INCENP: variants seen among roughly 807,000 people sequenced by gnomAD.
The protein encoded by INCENP is inner centromere protein.
A neutral mutation model predicts 107.3 loss-of-function variants in INCENP; 43 were observed. The observed-to-expected ratio is 0.40, with a 90% CI of 0.31 to 0.52. INCENP has a LOEUF of 0.52. Among genes scored for constraint, INCENP ranks in the 20% least tolerant of loss-of-function variants. The probability of loss-of-function intolerance (pLI) is 0.53; values close to 1 mark genes in which losing one functional copy is unlikely to be tolerated. For synonymous variants in INCENP, 488 were observed against 494.4 expected (o/e 0.99, Z 0.17); for missense variants, 1,089 against 1,250.9 (o/e 0.87, Z 1.95).
At chr11:62,134,282 A>G (rs1943946402) in intron 4 of INCENP, among the ~76,000 whole-genome samples, 1 of 152,024 alleles carries the variant, frequency 6.6e-6, no homozygotes. Flanking sequence ...GTATGGTGGC[A>G]TGTGCCTGTA....
chr11:62,138,796 G>C (rs1224668101), intron 6 of INCENP, 26 bp downstream of exon 6: 2 of 1,613,140 alleles, frequency 1.2e-6, no homozygotes, highest in East Asian at 2.2e-5. Context: ...GGGGAAGGGA[G>C]GACTCACCTC....
chr11:62,130,755 C>T (rs755456016), intron 4 of INCENP, among the ~76,000 whole-genome samples, 165 bp downstream of exon 4: 2 of 152,250 alleles, frequency 1.3e-5, no homozygotes, highest in Non-Finnish European at 2.9e-5. Context: ...CTGGCCTCAT[C>T]TGGCGATTGT....
chr11:62,139,085 G>C, intron 7 of INCENP, 80 bp downstream of exon 7: 1 of 957,990 alleles, frequency 1.0e-6, no homozygotes, highest in Non-Finnish European at 1.7e-6. Context: ...TTCTCTCTGG[G>C]GATAAGGAAG....
intron 4 of INCENP, among the ~76,000 whole-genome samples, chr11:62,133,162 G>T (rs765795053): frequency 2.0e-4 from 30 of 152,146 alleles, no homozygotes; most frequent in Non-Finnish European, 3.4e-4. Context: ...CCAAGGTGGG[G>T]TCTTGGTTTG....
intron 11 of INCENP, among the ~76,000 whole-genome samples, chr11:62,143,507 C>T (rs1485469579): frequency 6.6e-6 from 1 of 152,108 alleles, no homozygotes; most frequent in Non-Finnish European, 1.5e-5. Flanking sequence ...TATCTGCCTG[C>T]TCCTCTTTAG....
chr11:62,132,883 C>T (rs1459631122), intron 4 of INCENP, among the ~76,000 whole-genome samples: 1 of 152,164 alleles, frequency 6.6e-6, no homozygotes, highest in African/African-American at 2.4e-5. Flanking sequence ...TTGGGCACAC[C>T]CCTTCTCTCA....
chr11:62,137,938 C>A, intron 5 of INCENP, 55 bp downstream of exon 5: 2 of 1,480,896 alleles, frequency 1.4e-6, no homozygotes, highest in Non-Finnish European at 1.9e-6. Context: ...GACAGGGAGC[C>A]AAGGTGAGCA....
intron 17 of INCENP, 23 bp from the exon 18 acceptor site, chr11:62,150,034 G>A (rs772486365): frequency 6.2e-7 from 1 of 1,611,658 alleles, no homozygotes; most frequent in Admixed American, 1.7e-5. Flanking sequence ...GGAGGGAACT[G>A]ACGGCCACGT....
chr11:62,143,208 G>A (rs947548027), intron 11 of INCENP, among the ~76,000 whole-genome samples: 2 of 152,266 alleles, frequency 1.3e-5, no homozygotes, highest in Non-Finnish European at 2.9e-5. Context: ...TGACTTGGCA[G>A]CTTTTCTTCA....
intron 15 of INCENP, 125 bp from the exon 16 acceptor site, chr11:62,148,351 A>C: frequency 3.5e-6 from 3 of 856,300 alleles, no homozygotes; most frequent in Non-Finnish European, 5.4e-6. Context: ...CTGGTTGCCC[A>C]TTCAGCAATC....
chr11:62,147,784 T>A (rs1043143256), intron 15 of INCENP, among the ~76,000 whole-genome samples: 3 of 152,174 alleles, frequency 2.0e-5, no homozygotes, highest in South Asian at 2.1e-4. Context: ...CTTGGTCCTC[T>A]GGGCAGAGTC....
In INCENP at chr11:62,150,054, C is replaced by T. The variant is rs1254570198; in HGVS notation, c.2392-3C>T. 2 of 1,613,262 alleles carry T rather than the reference C, an allele frequency of 1.2e-6. No homozygotes were observed. Among genetic ancestry groups the T allele is most frequent in the South Asian group, 2.2e-5 (2 of 90,998 alleles). On this transcript the variant is annotated splice_polypyrimidine_tract_variant and splice_region_variant and intron_variant, in intron 17 of 18. Transcript: ENST00000394818. Reference sequence around the variant, plus strand: ...GAACTGACGGCCACGTTTGTTTTTGCAGTCTCCAGCTTGTACCTCATATCA... The same window carrying T: ...GAACTGACGGCCACGTTTGTTTTTGTAGTCTCCAGCTTGTACCTCATATCA...
In INCENP at chr11:62,128,783, G is replaced by C; in HGVS notation, c.154G>C (p.Glu52Gln). 1 of 1,613,560 alleles carries C rather than the reference G, an allele frequency of 6.2e-7. No homozygotes were observed. Among genetic ancestry groups the C allele is most frequent in the Non-Finnish European group, 8.5e-7 (1 of 1,179,452 alleles). ...TGTGCCAAACAGAGAATTCAGCAAA[G>C]AGCCAGAGCTGATGCCCAAAACACC... The part of the protein sequence containing the change: ...ERMFTREFSK[E>Q]PELMPKTPSQ... Residue 52 changes from glutamate (E) to glutamine (Q), a missense_variant, in exon 3 of 19, where the codon GAG (glutamate) becomes CAG (glutamine). By Grantham distance (29) the Glu-to-Gln change is conservative (BLOSUM62 2). Transcript: ENST00000394818.
In INCENP at chr11:62,137,867, G is replaced by T; in HGVS notation, c.1099G>T (p.Val367Leu). 6.2e-7 allele frequency: 1 copy of T among 1,614,168 alleles called. No individual in the cohort carries two copies. Among genetic ancestry groups the T allele is most frequent in the South Asian group, 1.1e-5 (1 of 91,090 alleles). Reference protein sequence around the residue: ...SYLERLLNVEVPQKVGSEQKE... With the variant: ...SYLERLLNVELPQKVGSEQKE... The stretch of plus-strand genomic sequence containing the variant: ...CCTGGAGAGGCTCCTGAATGTTGAG[G>T]TGCCCCAGAAAGTTGGGTGAGTTCA... Residue 367 changes from valine (V) to leucine (L), a missense_variant, in exon 5 of 19, where the codon GTG becomes TTG. Val to Leu is a conservative substitution (Grantham distance 32, BLOSUM62 1). Transcript: ENST00000394818.
chr11:62,126,570 T>C (rs947994521), intron 1 of INCENP, among the ~76,000 whole-genome samples: 1 of 152,232 alleles, frequency 6.6e-6, no homozygotes, highest in Admixed American at 6.5e-5. Context: ...TTTGTTGTTA[T>C]GGCTTATGAC....
intron 8 of INCENP, 32 bp from the exon 9 acceptor site, chr11:62,140,672 G>C (rs1227461041): frequency 2.6e-6 from 4 of 1,527,700 alleles, no homozygotes; most frequent in Non-Finnish European, 3.5e-6. Context: ...GTGGCGGGCT[G>C]CCCTGTGATG....
Position 62,139,969 on chromosome 11 carries a change from G to A in INCENP, c.1292-265G>A, listed in dbSNP as rs533212833. Among the ~76,000 whole-genome samples the A allele has an allele frequency of 3.9e-5, 6 of 152,242 alleles. No homozygotes were observed. The East Asian group carries it at 5.8e-4, about 15-fold the overall frequency. Reference sequence around the variant, plus strand: ...TAGATTTGTATTTTTAGTAGAGGCCGGGTTTCACTATGTTGGCCAGGCTGG... The same window carrying A: ...TAGATTTGTATTTTTAGTAGAGGCCAGGTTTCACTATGTTGGCCAGGCTGG... On this transcript the variant is annotated intron_variant, in intron 7 of 18. Coordinates refer to ENST00000394818, the MANE Select transcript of INCENP (RefSeq NM_001040694.2).
intron 1 of INCENP, among the ~76,000 whole-genome samples, chr11:62,125,172 C>G (rs897795046): frequency 1.2e-4 from 18 of 152,182 alleles, no homozygotes; most frequent in East Asian, 1.9e-4. Context: ...CTTCCAGGAG[C>G]CTGATTCTTG....
In INCENP at chr11:62,128,194, G is replaced by T. The variant is rs748240127; in HGVS notation, c.33G>T (p.Leu11=). ...CGACGGCCCCAGGGCCCATTCACCT[G>T]CTGGAGCTATGTGACCAGAAGCTCA... MGTTAPGPIH[L]LELCDQKLME... The change falls in exon 2 of 19, where the codon CTG becomes CTT. Residue 11 remains leucine (L), a synonymous_variant. Transcript: ENST00000394818. 1 of 1,614,206 alleles carries T rather than the reference G, an allele frequency of 6.2e-7. No individual in the cohort carries two copies. Among genetic ancestry groups the T allele is most frequent in the Non-Finnish European group, 8.5e-7 (1 of 1,180,030 alleles).
Sources: gnomAD v4.1 joint callset for allele counts (sites outside exome capture counted in the v4.1 genomes callset) on GRCh38, gnomAD v4.1.1 for gene constraint, MANE v1.5 for transcripts, NCBI Gene and HGNC (gene_info 2026-07-23, HGNC 2026-07-21) for gene names.